TUSC3: variants seen among roughly 807,000 people sequenced by gnomAD.
TUSC3 encodes tumor suppressor candidate 3, also known as dolichyl-diphosphooligosaccharide--protein glycosyltransferase subunit TUSC3.
Under a neutral mutation model 44.8 loss-of-function variants are expected in TUSC3, and 45 were observed. The observed-to-expected ratio is 1.00, with a 90% CI of 0.79 to 1.29. The LOEUF (loss-of-function observed/expected upper bound fraction) is 1.29. Ranked by LOEUF, TUSC3 falls within the 50% of genes most tolerant of loss-of-function variation. The pLI is 0.00. For missense variants in TUSC3, 519 were observed against 437.9 expected (o/e 1.19, Z -1.65); for synonymous variants, 212 against 152.9 (o/e 1.39, Z -2.85).
At position 15,748,543 on chromosome 8, in the gene TUSC3, G is replaced by T. The variant is rs756298732; in HGVS notation, c.1028+78G>T. ...GTTTCAGTGGTTAATATATAATTAA[G>T]GATGAATGTAAAGTTGCTGTGTGGT... On this transcript the variant is annotated intron_variant, in intron 9 of 10. Transcript: ENST00000503731. The T allele has an allele frequency of 4.7e-6, 6 of 1,286,522 alleles. No homozygotes were observed. In the South Asian group the frequency reaches 7.1e-5, roughly 15 times the overall value. 79.7% of individuals were successfully genotyped at this position (1,286,522 alleles called of 1,614,324 possible). A position where few individuals can be genotyped will look rare whatever the true frequency, so the allele number is the denominator to read the frequency against.
the TUSC3 span, among the ~76,000 whole-genome samples, chr8:15,777,034 G>C: frequency 1.3e-5 from 2 of 152,072 alleles, no homozygotes; most frequent in Non-Finnish European, 2.9e-5. Context: ...TCCAAAAAAT[G>C]TATTTTACAT....
chr8:15,728,183 T>C (rs1012922394), intron 6 of TUSC3, among the ~76,000 whole-genome samples: 1 of 152,176 alleles, frequency 6.6e-6, no homozygotes, highest in Non-Finnish European at 1.5e-5. Flanking sequence ...TGAGAAAGCA[T>C]TGAAGGGTTC....
At chr8:15,537,267 T>C (rs890458516), upstream of TUSC3, among the ~76,000 whole-genome samples, 5 of 152,154 alleles carry the variant, frequency 3.3e-5, no homozygotes, top group Admixed American at 6.5e-5. Context: ...CCACCAATCG[T>C]CAGTCAGAAA....
chr8:15,847,709 C>A, the TUSC3 span, among the ~76,000 whole-genome samples: 1 of 152,126 alleles, frequency 6.6e-6, no homozygotes, highest in African/African-American at 2.4e-5. Flanking sequence ...TAGTAAAACT[C>A]CGAGGCAGAG....
intron 1 of TUSC3, among the ~76,000 whole-genome samples, chr8:15,476,864 C>G (rs1800582963): frequency 6.6e-6 from 1 of 152,192 alleles, no homozygotes; most frequent in Non-Finnish European, 1.5e-5. Context: ...TTTTTCACAA[C>G]CAATGACAGG....
intron 1 of TUSC3, among the ~76,000 whole-genome samples, chr8:15,587,371 C>T (rs967352410): frequency 6.6e-6 from 1 of 152,124 alleles, no homozygotes; most frequent in African/African-American, 2.4e-5. Flanking sequence ...TTTGTTACTG[C>T]TTCTGTCTTT....
intron 1 of TUSC3, among the ~76,000 whole-genome samples, chr8:15,483,033 C>G (rs2129124700): frequency 6.6e-6 from 1 of 152,206 alleles, no homozygotes; most frequent in East Asian, 1.9e-4. Flanking sequence ...GACTAAAAGC[C>G]AACTTTAATA....
chr8:15,733,124 T>C (rs1255682215), intron 7 of TUSC3, among the ~76,000 whole-genome samples: 1 of 152,166 alleles, frequency 6.6e-6, no homozygotes, highest in Non-Finnish European at 1.5e-5. Context: ...TTTCTGCACA[T>C]CAGAGGTGCC....
intron 2 of TUSC3, among the ~76,000 whole-genome samples, chr8:15,528,480 T>G (rs183925645): frequency 2.0e-5 from 3 of 152,342 alleles, no homozygotes; most frequent in Admixed American, 2.0e-4. Flanking sequence ...TTACAGCATT[T>G]TTAAACCATG....
Position 15,482,570 on chromosome 8 carries a change from C to A in TUSC3, n.92-816C>A, listed in dbSNP as rs185254459. 1.1e-4 allele frequency among the ~76,000 whole-genome samples: 17 copies of A among 152,256 alleles called. No homozygotes were observed. The East Asian group carries it at 3.1e-3, about 28-fold the overall frequency. On this transcript the variant is annotated intron_variant and non_coding_transcript_variant, in intron 1 of 5. Coordinates refer to the TUSC3 transcript ENST00000503191. The stretch of plus-strand genomic sequence containing the variant: ...GACAATGTACTCAATCATATAAAAG[C>A]TCTGATGAAGATGTATAAGAAGATT...
intron 2 of TUSC3, among the ~76,000 whole-genome samples, chr8:15,492,797 G>A (rs1290137650): frequency 1.3e-5 from 2 of 150,190 alleles, no homozygotes; most frequent in Non-Finnish European, 3.0e-5. Flanking sequence ...AAAAAAAAGT[G>A]TAATAATATG....
At chr8:15,758,623 AG>A (rs1264277274) in intron 10 of TUSC3, among the ~76,000 whole-genome samples, 1 of 152,100 alleles carries the variant, frequency 6.6e-6, no homozygotes, top group Non-Finnish European at 1.5e-5. Flanking sequence ...CACTGAACGT[AG>A]GGAAGGAATG....
At chr8:15,458,783 G>T (rs1188097540) in intron 1 of TUSC3, among the ~76,000 whole-genome samples, 1 of 152,166 alleles carries the variant, frequency 6.6e-6, no homozygotes, top group African/African-American at 2.4e-5. Context: ...CACTAGGGAA[G>T]AACCATCAGT....
At chr8:15,755,558 G>A (rs118004803) in intron 9 of TUSC3, among the ~76,000 whole-genome samples, 1 of 151,854 alleles carries the variant, frequency 6.6e-6, no homozygotes, top group African/African-American at 2.4e-5. Flanking sequence ...TGAAATAGTA[G>A]GGTTACTATG....
intron 2 of TUSC3, among the ~76,000 whole-genome samples, chr8:15,634,158 C>G (rs540844337): frequency 9.9e-5 from 15 of 152,162 alleles, no homozygotes; most frequent in Non-Finnish European, 2.2e-4. Flanking sequence ...CATGAGAAGT[C>G]CAGCCCTGGG....
intron 1 of TUSC3, among the ~76,000 whole-genome samples, chr8:15,476,447 C>T (rs1030308013): frequency 1.3e-5 from 2 of 152,170 alleles, no homozygotes; most frequent in Non-Finnish European, 2.9e-5. Context: ...ATAGTAGCTA[C>T]ATTACCAAAG....
chr8:15,774,292 A>C, the TUSC3 span, among the ~76,000 whole-genome samples: 1 of 152,164 alleles, frequency 6.6e-6, no homozygotes. Context: ...GTACATCCTT[A>C]CTTGGAAATA....
rs963440727 is a variant in TUSC3, at chr8:15,749,433, C to T, written c.1028+968C>T. The stretch of plus-strand genomic sequence containing the variant: ...AATACAAGAATAAGACCCTTCAGCC[C>T]CACCCCCTCTATTTTCATATGTGGC... On this transcript the variant is annotated intron_variant, in intron 9 of 10. Transcript: ENST00000503731. Among the ~76,000 whole-genome samples the T allele has an allele frequency of 7.0e-4, 106 of 152,008 alleles. 1 individual carries two copies. The highest frequency in any genetic ancestry group is 2.4e-3 in the African/African-American group (98 of 41,384).
chr8:15,779,741 T>A, the TUSC3 span, among the ~76,000 whole-genome samples: 3 of 152,170 alleles, frequency 2.0e-5, no homozygotes, highest in Non-Finnish European at 2.9e-5. Context: ...AGCATAAAAG[T>A]CATCATTATA....
Sources: gnomAD v4.1 joint callset for allele counts (sites outside exome capture counted in the v4.1 genomes callset) on GRCh38, gnomAD v4.1.1 for gene constraint, MANE v1.5 for transcripts, NCBI Gene and HGNC (gene_info 2026-07-23, HGNC 2026-07-21) for gene names.